The following CDH23 variants were observed in gnomAD, a reference collection of about 807,000 sequenced individuals.
CDH23 encodes cadherin related 23.
Under a neutral mutation model 317.1 loss-of-function variants are expected in CDH23, and 189 were observed. The ratio of observed to expected loss-of-function variants is 0.60; its 90% CI spans 0.53 to 0.67. The LOEUF (loss-of-function observed/expected upper bound fraction) is 0.67, where lower values mean the gene tolerates loss of function less well. CDH23 is among the 30% of genes least tolerant of loss of function. The pLI is 0.00. For synonymous variants in CDH23, 1,839 were observed against 1,876.8 expected (o/e 0.98, Z 0.52); for missense variants, 4,401 against 4,592.4 (o/e 0.96, Z 1.20).
At chr10:71,779,537 C>G in intron 41 of CDH23, 90 bp downstream of exon 41, 1 of 1,139,344 alleles carries the variant, frequency 8.8e-7, no homozygotes, top group Non-Finnish European at 1.2e-6. Context: ...AGGCATTTGG[C>G]CTCACCATTG....
chr10:71,756,529 G>A (rs1430152387), intron 38 of CDH23, among the ~76,000 whole-genome samples: 1 of 152,310 alleles, frequency 6.6e-6, no homozygotes, highest in Non-Finnish European at 1.5e-5. Context: ...TCAAAGTGCT[G>A]AGCCAAAGAG....
At position 71,507,639 on chromosome 10, in the gene CDH23, G is replaced by A. The variant is rs184412974; in HGVS notation, c.146-2443G>A. On this transcript the variant is annotated intron_variant, in intron 3 of 69. Coordinates refer to ENST00000224721, the MANE Select transcript of CDH23 (RefSeq NM_022124.6). ...ACCTGCGAGGTGGAGGTTGCAGTGA[G>A]CTGAGATCATGCCACTTGCACTCCA... 8.5e-5 allele frequency among the ~76,000 whole-genome samples: 13 copies of A among 152,332 alleles called. No individual in the cohort carries two copies. The East Asian group carries it at 2.5e-3, about 29-fold the overall frequency.
intron 28 of CDH23, among the ~76,000 whole-genome samples, chr10:71,721,202 T>C (rs1866539893): frequency 6.6e-6 from 1 of 152,176 alleles, no homozygotes; most frequent in Admixed American, 6.5e-5. Context: ...CTCTTCACCA[T>C]CCTGAGCCCT....
intron 6 of CDH23, among the ~76,000 whole-genome samples, chr10:71,534,097 C>T (rs1855567883): frequency 6.6e-6 from 1 of 152,150 alleles, no homozygotes; most frequent in Non-Finnish European, 1.5e-5. Context: ...TGCTGCATCC[C>T]TTTGCGCCGA....
At chr10:71,772,056 T>C (rs1840697944) in intron 38 of CDH23, among the ~76,000 whole-genome samples, 2 of 152,312 alleles carry the variant, frequency 1.3e-5, no homozygotes, top group Middle Eastern at 3.4e-3. Context: ...CCATGAGCCA[T>C]GGCCTTGGTG....
Position 71,712,692 on chromosome 10 carries a change from C to A in CDH23, c.3248C>A (p.Thr1083Lys). 1.2e-6 allele frequency: 2 copies of A among 1,613,670 alleles called. No homozygotes were observed. Among genetic ancestry groups the A allele is most frequent in the Non-Finnish European group, 1.7e-6 (2 of 1,179,882 alleles). ...AACGGCCCTGTAGGGAAGCGACACA[C>A]GGGCACAGCCACCGTGTTCGTCACT... ...IDNGPVGKRH[T>K]GTATVFVTVL... Residue 1083 changes from threonine (T) to lysine (K), a missense_variant, in exon 28 of 70, where the codon ACG becomes AAG. Thr to Lys is a moderately conservative substitution (Grantham distance 78, BLOSUM62 -1). This residue lies in a region of CDH23 where 3,068 missense variants were observed against 3,203.3 expected (regional missense o/e 0.96). Coordinates refer to ENST00000224721, the MANE Select transcript of CDH23 (RefSeq NM_022124.6).
intron 9 of CDH23, among the ~76,000 whole-genome samples, chr10:71,595,096 T>A (rs1202962630): frequency 6.6e-6 from 1 of 151,994 alleles, no homozygotes; most frequent in East Asian, 1.9e-4. Context: ...GTAAATAGAG[T>A]TCAAAATACC....
intron 6 of CDH23, among the ~76,000 whole-genome samples, chr10:71,539,188 C>T (rs556470878): frequency 6.6e-6 from 1 of 152,202 alleles, no homozygotes; most frequent in South Asian, 2.1e-4. Context: ...CCCATCCACG[C>T]CGTAGCCCCT....
chr10:71,725,684 G>A lies in CDH23; in HGVS notation c.3579+164G>A, dbSNP rs1263314456. Among the ~76,000 whole-genome samples the A allele has an allele frequency of 2.0e-5, 3 of 152,202 alleles. No individual in the cohort carries two copies. In the South Asian group the frequency reaches 6.2e-4, roughly 32 times the overall value. On this transcript the variant is annotated intron_variant, in intron 30 of 69. Coordinates refer to ENST00000224721, the MANE Select transcript of CDH23 (RefSeq NM_022124.6). ...GGTTCGGTGACAGGTGCCCAGCCTG[G>A]GACTTGGACTTGTCATTTTGCTGTG... is the stretch of plus-strand genomic sequence containing the variant.
rs1839986545 is a variant in CDH23 at position 71,751,120 on chromosome 10, T to C, written c.4845+9199T>C. The C allele has an allele frequency of 9.3e-7, 1 of 1,073,972 alleles. No individual in the cohort carries two copies. Among genetic ancestry groups the C allele is most frequent in the African/African-American group, 1.6e-5 (1 of 62,096 alleles). The allele number at this position is 1,073,972 out of a possible 1,614,324, so 66.5% of individuals were successfully genotyped here. A position where few individuals can be genotyped will look rare whatever the true frequency, so the allele number is the denominator to read the frequency against. On this transcript the variant is annotated intron_variant, in intron 38 of 69. Transcript: ENST00000224721. This position sits in a 1 kb window ranked among gnomAD's most constrained non-coding sequence, Gnocchi z 4.9. Reference sequence around the variant, plus strand: ...GTTGAGGGGCTGGGCTTCTGGGATGTCACAGTATCTGAGCCCAGAGCAGGA... The same window carrying C: ...GTTGAGGGGCTGGGCTTCTGGGATGCCACAGTATCTGAGCCCAGAGCAGGA...
At chr10:71,660,441 G>T (rs1863601656) in intron 14 of CDH23, among the ~76,000 whole-genome samples, 1 of 152,136 alleles carries the variant, frequency 6.6e-6, no homozygotes, top group African/African-American at 2.4e-5. Context: ...ACCACCCCTA[G>T]GGTGTGTCCC....
intron 18 of CDH23, among the ~76,000 whole-genome samples, chr10:71,685,794 T>C (rs1448698230): frequency 2.0e-5 from 3 of 152,362 alleles, no homozygotes; most frequent in East Asian, 3.9e-4. Flanking sequence ...CAGTCACTTG[T>C]GTCTGAGGAC....
chr10:71,810,550 C>A lies in CDH23; in HGVS notation c.9058C>A (p.Arg3020Ser). 6.2e-7 allele frequency: 1 copy of A among 1,613,968 alleles called. No individual in the cohort carries two copies. The highest frequency in any genetic ancestry group is 1.1e-5 in the South Asian group (1 of 91,082). Residue 3020 changes from arginine to serine, a missense_variant, in exon 62 of 70, where the codon CGC becomes AGC. This residue lies in a region of CDH23 where 1,144 missense variants were observed against 1,138.2 expected (regional missense o/e 1.01). Transcript: ENST00000224721. ...LIHVVNRDTN[R>S]ILDVDRVIQM... ...CCACGTGGTGAACCGCGATACCAACCGCATCCTGGACGTGGACCGGTGAGT... is the reference window on the plus strand; with the variant it reads ...CCACGTGGTGAACCGCGATACCAACAGCATCCTGGACGTGGACCGGTGAGT...
At chr10:71,793,925 T>A (rs1034634308) in intron 48 of CDH23, among the ~76,000 whole-genome samples, 1 of 152,212 alleles carries the variant, frequency 6.6e-6, no homozygotes, top group African/African-American at 2.4e-5. Flanking sequence ...CATGCCAGTA[T>A]TAAATATGAT....
intron 11 of CDH23, among the ~76,000 whole-genome samples, chr10:71,627,395 AT>A (rs1564696273): frequency 1.3e-5 from 2 of 151,978 alleles, no homozygotes; most frequent in African/African-American, 4.8e-5. Flanking sequence ...GATGATGATG[AT>A]GAAGATTTTT....
In CDH23 at chr10:71,812,678, C is replaced by T; in HGVS notation, c.9510+69C>T. The T allele has an allele frequency of 1.9e-6, 3 of 1,612,356 alleles. 1 individual carries two copies. Among genetic ancestry groups the T allele is most frequent in the South Asian group, 2.2e-5 (2 of 91,010 alleles). ...GGGCTGGGTCTTTGCAACCTCTGGCCAAGAAGCTGGGTTCTTTAAGGGGTG... is the reference window on the plus strand; with the variant it reads ...GGGCTGGGTCTTTGCAACCTCTGGCTAAGAAGCTGGGTTCTTTAAGGGGTG... On this transcript the variant is annotated intron_variant, in intron 67 of 69. Transcript: ENST00000224721.
At chr10:71,679,038 G>A (rs990045949) in intron 16 of CDH23, among the ~76,000 whole-genome samples, 5 of 151,994 alleles carry the variant, frequency 3.3e-5, no homozygotes, top group Non-Finnish European at 5.9e-5. Context: ...GCAGGTGGGG[G>A]TGTTCCAGCT....
chr10:71,500,614 A>G (rs79452410), intron 3 of CDH23, among the ~76,000 whole-genome samples: 3,579 of 152,240 alleles, frequency 0.024, 64 homozygotes, highest in Non-Finnish European at 0.033. Context: ...CTTTGGGGTG[A>G]GAAGAAGGCT....
At chr10:71,667,338 G>T (rs1404621905) in intron 14 of CDH23, among the ~76,000 whole-genome samples, 1 of 119,490 alleles carries the variant, frequency 8.4e-6, no homozygotes, top group Non-Finnish European at 1.8e-5. Flanking sequence ...GGTGCTGCTT[G>T]AGGCAGAGAA....
Sources: gnomAD v4.1 joint callset for allele counts (sites outside exome capture counted in the v4.1 genomes callset) on GRCh38, gnomAD v4.1.1 for gene constraint, gnomAD v4.1.1 regional missense constraint, Gnocchi (gnomAD v3.1) non-coding constraint, MANE v1.5 for transcripts, NCBI Gene and HGNC (gene_info 2026-07-23, HGNC 2026-07-21) for gene names.